MMP16: variants seen among roughly 807,000 people sequenced by gnomAD.
The protein encoded by MMP16 is matrix metalloproteinase-16.
A neutral mutation model predicts 67.8 loss-of-function variants in MMP16; 12 were observed. That is an observed-to-expected ratio of 0.18 (90% CI 0.11 to 0.29). MMP16 has a LOEUF of 0.29. Among genes scored for constraint, MMP16 ranks in the 10% least tolerant of loss-of-function variants. MMP16 has a pLI of 1.00. For missense variants in MMP16, 475 were observed against 765.7 expected (o/e 0.62, Z 4.48); for synonymous variants, 249 against 255.9 (o/e 0.97, Z 0.26).
intron 1 of MMP16, among the ~76,000 whole-genome samples, chr8:88,318,160 T>C (rs760928421): frequency 6.6e-6 from 1 of 152,202 alleles, no homozygotes; most frequent in East Asian, 1.9e-4. Context: ...ATTTTCTGTA[T>C]TGTTCAATTC....
At chr8:88,211,939 A>G (rs182234422) in intron 1 of MMP16, among the ~76,000 whole-genome samples, 1 of 152,226 alleles carries the variant, frequency 6.6e-6, no homozygotes, top group East Asian at 1.9e-4. Context: ...TACAAGCTCA[A>G]TTCTCCTAAA....
chr8:88,327,253 C>CCTCTCT lies in MMP16; in HGVS notation c.-53_-48dup, dbSNP rs754300956. The stretch of plus-strand genomic sequence containing the variant: ...TGGACGAGCTCCCCTTCGTTTTCTC[C>CCTCTCT]CTCTCTCCCTCTCCCTCCCTCCCTC... On this transcript the variant is annotated 5_prime_UTR_variant, in exon 1 of 10. Transcript: ENST00000286614. The CCTCTCT allele has an allele frequency of 6.8e-6, 11 of 1,610,752 alleles. No homozygotes were observed. Among genetic ancestry groups the CCTCTCT allele is most frequent in the Non-Finnish European group, 8.5e-6 (10 of 1,177,886 alleles).
At chr8:88,320,459 A>C (rs1179788294) in intron 1 of MMP16, among the ~76,000 whole-genome samples, 1 of 152,176 alleles carries the variant, frequency 6.6e-6, no homozygotes, top group Non-Finnish European at 1.5e-5. Flanking sequence ...CACACCTAAA[A>C]ATAAGAGAAA....
At chr8:88,129,578 A>G (rs1807992330) in intron 4 of MMP16, among the ~76,000 whole-genome samples, 2 of 151,598 alleles carry the variant, frequency 1.3e-5, no homozygotes, top group Admixed American at 1.3e-4. Context: ...TTTGCCAAAA[A>G]ATATTAAAAA....
intron 4 of MMP16, among the ~76,000 whole-genome samples, chr8:88,119,891 G>C (rs933405572): frequency 6.6e-6 from 1 of 151,954 alleles, no homozygotes; most frequent in Non-Finnish European, 1.5e-5. Flanking sequence ...ATAATTTCAA[G>C]CATCATTTCT....
chr8:88,056,286 G>A lies in MMP16; in HGVS notation c.1223-8C>T, dbSNP rs772469657. ...ACACCCAATATTTGTTACCTGTATG[G>A]AATAAGTGTAAATGTAGAATATATT... On this transcript the variant is annotated splice_region_variant and splice_polypyrimidine_tract_variant and intron_variant, in intron 7 of 9. Transcript: ENST00000286614. The A allele has an allele frequency of 5.5e-5, 82 of 1,487,712 alleles. 1 individual carries two copies. Among genetic ancestry groups the A allele is most frequent in the Non-Finnish European group, 6.7e-5 (74 of 1,101,162 alleles). The allele number at this position is 1,487,712 out of a possible 1,614,324, so 92.2% of individuals were successfully genotyped here.
chr8:88,130,252 A>C lies in MMP16; in HGVS notation c.710-11391T>G, dbSNP rs143339813. ...GCCAGTTTATCAAAATATTTTAGTA[A>C]AGTAGTGGACTTTAAAATAGACGTG... On this transcript the variant is annotated intron_variant, in intron 4 of 9. Transcript: ENST00000286614. 6.6e-5 allele frequency among the ~76,000 whole-genome samples: 10 copies of C among 151,950 alleles called. No individual in the cohort carries two copies. In the East Asian group the frequency reaches 1.7e-3, roughly 27 times the overall value.
chr8:88,080,299 G>A (rs537168124), intron 6 of MMP16, among the ~76,000 whole-genome samples: 3 of 152,194 alleles, frequency 2.0e-5, no homozygotes, highest in South Asian at 4.1e-4. Context: ...TTTAGTTTGA[G>A]TATTAACCCT....
At chr8:88,173,293 T>A (rs1191716346) in intron 3 of MMP16, among the ~76,000 whole-genome samples, 1 of 152,076 alleles carries the variant, frequency 6.6e-6, no homozygotes, top group Non-Finnish European at 1.5e-5. Context: ...CTCAAGCGAT[T>A]CACTCACCTT....
At chr8:88,087,007 G>A (rs75488847) in intron 6 of MMP16, among the ~76,000 whole-genome samples, 2 of 151,876 alleles carry the variant, frequency 1.3e-5, no homozygotes, top group African/African-American at 4.8e-5. Flanking sequence ...TCTTTTGCTT[G>A]GCCAGGAATT....
intron 4 of MMP16, among the ~76,000 whole-genome samples, chr8:88,155,027 T>A (rs955291320): frequency 1.3e-5 from 2 of 152,252 alleles, no homozygotes; most frequent in East Asian, 3.9e-4. Context: ...TATCTGATAA[T>A]AGCATGATCA....
chr8:88,097,235 G>T (rs1291943149), intron 6 of MMP16, among the ~76,000 whole-genome samples: 1 of 151,336 alleles, frequency 6.6e-6, no homozygotes, highest in African/African-American at 2.4e-5. Context: ...TATTTTTTTT[G>T]GTTGAACCAG....
At chr8:88,287,330 A>C (rs73692214) in intron 1 of MMP16, among the ~76,000 whole-genome samples, 21,249 of 152,068 alleles carry the variant, frequency 0.14, 2,038 homozygotes, top group African/African-American at 0.25. Context: ...GAAAGCTCCC[A>C]ACCCTCTTCA....
At chr8:88,138,155 G>A (rs1346127840) in intron 4 of MMP16, among the ~76,000 whole-genome samples, 5 of 151,896 alleles carry the variant, frequency 3.3e-5, no homozygotes, top group Non-Finnish European at 5.9e-5. Context: ...ATACCAGGCA[G>A]TGTGCATACA....
At chr8:88,255,921 A>T (rs1019635880) in intron 1 of MMP16, among the ~76,000 whole-genome samples, 3 of 152,094 alleles carry the variant, frequency 2.0e-5, no homozygotes, top group African/African-American at 7.2e-5. Flanking sequence ...ACTTTTCTAT[A>T]GATGCTGGAT....
intron 6 of MMP16, among the ~76,000 whole-genome samples, chr8:88,079,059 G>C (rs1808701764): frequency 6.6e-6 from 1 of 152,114 alleles, no homozygotes; most frequent in South Asian, 2.1e-4. Flanking sequence ...CTCAAACCTG[G>C]ACTCCTGCCT....
At chr8:88,170,454 T>A (rs77453121) in intron 3 of MMP16, among the ~76,000 whole-genome samples, 8,407 of 152,162 alleles carry the variant, frequency 0.055, 363 homozygotes, top group Admixed American at 0.11. Context: ...AAATTAATTT[T>A]CCTAATAGTC....
chr8:88,128,839 G>A (rs1193218658), intron 4 of MMP16, among the ~76,000 whole-genome samples: 1 of 151,746 alleles, frequency 6.6e-6, no homozygotes, highest in Non-Finnish European at 1.5e-5. Flanking sequence ...GATCTGGATG[G>A]TGGTCAGACT....
In MMP16 at chr8:88,327,158, G is replaced by T. The variant is rs1217677523; in HGVS notation, c.49C>A (p.His17Asn). The change falls in exon 1 of 10, where the codon CAT (histidine) becomes AAT (asparagine). Residue 17 changes from histidine to asparagine, a missense_variant. By Grantham distance (68) the His-to-Asn change is moderately conservative (BLOSUM62 1). Coordinates refer to ENST00000286614, the MANE Select transcript of MMP16 (RefSeq NM_005941.5). Reference sequence around the variant, plus strand: ...GTTTGCAAGAAAAACACCCCCGAATGATGCACGAAATCCAACCGTCTTCCA... The same window carrying T: ...GTTTGCAAGAAAAACACCCCCGAATTATGCACGAAATCCAACCGTCTTCCA... ...STGRRLDFVHHSGVFFLQTLL... is the reference protein window; with the variant it reads ...STGRRLDFVHNSGVFFLQTLL... 6.2e-7 allele frequency: 1 copy of T among 1,613,976 alleles called. No individual in the cohort carries two copies. The highest frequency in any genetic ancestry group is 1.3e-5 in the African/African-American group (1 of 74,896).
Sources: allele counts gnomAD v4.1 joint callset (sites outside exome capture counted in the v4.1 genomes callset), GRCh38; gene constraint gnomAD v4.1.1; transcripts MANE v1.5; gene names NCBI Gene and HGNC (gene_info 2026-07-23, HGNC 2026-07-21).